C11orf16: variants seen among roughly 807,000 people sequenced by gnomAD.
The protein encoded by C11orf16 is uncharacterized protein C11orf16.
A neutral mutation model predicts 45.1 loss-of-function variants in C11orf16; 38 were observed. The ratio of observed to expected loss-of-function variants is 0.84; its 90% confidence interval spans 0.65 to 1.10. The LOEUF is 1.10. C11orf16 is among the 50% of genes least tolerant of loss of function. The pLI is 0.00. For missense variants in C11orf16, 583 were observed against 569.5 expected (o/e 1.02, Z -0.24); for synonymous variants, 221 against 222.0 (o/e 1.00, Z 0.04).
rs769112368 is a variant in C11orf16, at chr11:8,929,342, A to G, written c.324+35T>C. ...CAGGTATGACAAGGCCACCCAGAGG[A>G]GCACGCCAGGGAGATACTGGGGTCA... On this transcript the variant is annotated intron_variant, in intron 3 of 6. Transcript: ENST00000326053. 5.0e-6 allele frequency: 8 copies of G among 1,599,356 alleles called. No homozygotes were observed. The Admixed American group carries it at 6.8e-5, about 14-fold the overall frequency.
chr11:8,922,785 A>G (rs2064584019), intron 5 of C11orf16, among the ~76,000 whole-genome samples: 1 of 152,246 alleles, frequency 6.6e-6, no homozygotes, highest in Non-Finnish European at 1.5e-5. Context: ...TAAAAGATAC[A>G]AAACCTGGAG....
chr11:8,920,306 C>G lies in C11orf16; in HGVS notation c.*167G>C, dbSNP rs1246365980. The G allele has an allele frequency of 2.0e-6, 1 of 509,390 alleles. No individual in the cohort carries two copies. The highest frequency in any genetic ancestry group is 3.4e-5 in the East Asian group (1 of 29,718). The allele number at this position is 509,390 out of a possible 1,614,324, so 31.6% of individuals were successfully genotyped here. A position where few individuals can be genotyped will look rare whatever the true frequency, so the allele number is the denominator to read the frequency against. ...CAACAGGTGCCTTCCTGCTGCTTAT[C>G]TGCAGGGAGGTCTTCGTGGGGTGGA... On this transcript the variant is annotated 3_prime_UTR_variant, in exon 7 of 7. Transcript: ENST00000326053.
In C11orf16 at chr11:8,925,563, A is replaced by G; in HGVS notation, c.1104T>C (p.Asp368=). The change falls in exon 5 of 7, where the codon GAT becomes GAC. Residue 368 remains aspartate, a synonymous_variant. Coordinates refer to ENST00000326053, the MANE Select transcript of C11orf16 (RefSeq NM_020643.3). The part of the protein sequence containing the change: ...RLMVNSAVNT[D]PIFLEMPLRQ... ...TCAGAGGCATCTCAAGAAAGATGGG[A>G]TCTGTGTTGACTGCACTGTTCACCA... 6.8e-6 allele frequency: 11 copies of G among 1,614,196 alleles called. No homozygotes were observed. The highest frequency in any genetic ancestry group is 9.3e-6 in the Non-Finnish European group (11 of 1,180,018).
At chr11:8,921,750 G>A (rs745998052) in intron 5 of C11orf16, among the ~76,000 whole-genome samples, 7 of 151,992 alleles carry the variant, frequency 4.6e-5, no homozygotes, top group African/African-American at 1.2e-4. Flanking sequence ...CCTGCCACCC[G>A]CTCTTCACTA....
intron 3 of C11orf16, 82 bp downstream of exon 3, chr11:8,929,295 G>T: frequency 7.0e-7 from 1 of 1,426,926 alleles, no homozygotes; most frequent in East Asian, 2.3e-5. Context: ...CAGCCTGCTA[G>T]ATGTACACAG....
chr11:8,932,055 C>A lies in C11orf16; in HGVS notation c.167+87G>T. The A allele has an allele frequency of 2.2e-6, 3 of 1,361,392 alleles. No homozygotes were observed. In the Middle Eastern group the frequency reaches 8.0e-4, roughly 365 times the overall value. 84.3% of individuals were successfully genotyped at this position (1,361,392 alleles called of 1,614,324 possible). On this transcript the variant is annotated intron_variant, in intron 2 of 6. Transcript: ENST00000326053. ...CTTTCCACCTTCTCAGGAAGCAAGT[C>A]TGTCCACCAAGGTCTACCACCAACA...
At chr11:8,930,932 A>T (rs1025206362) in intron 2 of C11orf16, among the ~76,000 whole-genome samples, 3 of 152,140 alleles carry the variant, frequency 2.0e-5, no homozygotes, top group Admixed American at 6.5e-5. Flanking sequence ...CACCGGGTGG[A>T]TCACGAAAGG....
chr11:8,927,598 C>T (rs1257536639), intron 3 of C11orf16: 1 of 457,588 alleles, frequency 2.2e-6, no homozygotes, highest in East Asian at 6.9e-5. Context: ...AGGGATGTGT[C>T]CAAGACCAAC....
At chr11:8,926,817 A>G (rs1197562368) in intron 4 of C11orf16, 123 bp downstream of exon 4, 32 of 689,260 alleles carry the variant, frequency 4.6e-5, no homozygotes, top group South Asian at 3.4e-4. Context: ...AGCAAGGGGG[A>G]AAAATTCTCT....
chr11:8,927,782 T>C (rs2064624833), intron 3 of C11orf16: 1 of 349,360 alleles, frequency 2.9e-6, no homozygotes, highest in African/African-American at 2.1e-5. Context: ...TCAAGTACTC[T>C]GTGATTTAGA....
chr11:8,925,068 T>C (rs921270943), intron 5 of C11orf16, among the ~76,000 whole-genome samples: 1 of 152,126 alleles, frequency 6.6e-6, no homozygotes, highest in Admixed American at 6.5e-5. Context: ...TATGCTTCAG[T>C]GCATCAACTC....
intron 2 of C11orf16, among the ~76,000 whole-genome samples, chr11:8,930,631 G>A (rs959548778): frequency 6.6e-6 from 1 of 152,142 alleles, no homozygotes; most frequent in African/African-American, 2.4e-5. Context: ...ACAGAAAAAG[G>A]AGATGCTAGT....
At chr11:8,921,938 G>A (rs2064577993) in intron 5 of C11orf16, among the ~76,000 whole-genome samples, 2 of 152,134 alleles carry the variant, frequency 1.3e-5, no homozygotes, top group African/African-American at 4.8e-5. Context: ...ACTACACCTG[G>A]CCTGTTTTCT....
intron 4 of C11orf16, among the ~76,000 whole-genome samples, chr11:8,926,592 A>G (rs915400895): frequency 6.6e-6 from 1 of 152,164 alleles, no homozygotes; most frequent in African/African-American, 2.4e-5. Flanking sequence ...TCTCTGAATT[A>G]CAATGGTGCT....
rs552765748 is a variant in C11orf16, at chr11:8,921,407, A to G, written c.1313T>C (p.Met438Thr). The change falls in exon 6 of 7, where the codon ATG (methionine) becomes ACG (threonine). Residue 438 changes from methionine (M) to threonine (T), a missense_variant. Physicochemically the swap from Met to Thr is moderately conservative, Grantham distance 81. Coordinates refer to ENST00000326053, the MANE Select transcript of C11orf16 (RefSeq NM_020643.3). ...TKELVSKATH[M>T]KPPRTPPGEA... ...CCCTGGCGGGGTCCGCGGTGGCTTC[A>G]TGTGGGTTGCTTTCGAGACCAGCTC... 5.6e-6 allele frequency: 9 copies of G among 1,614,162 alleles called. No homozygotes were observed. The East Asian group carries it at 1.8e-4, about 32-fold the overall frequency.
At position 8,932,124 on chromosome 11, in the gene C11orf16, A is replaced by T; in HGVS notation, c.167+18T>A. 6.4e-7 allele frequency: 1 copy of T among 1,554,514 alleles called. No individual in the cohort carries two copies. Among genetic ancestry groups the T allele is most frequent in the South Asian group, 1.2e-5 (1 of 83,982 alleles). On this transcript the variant is annotated intron_variant, in intron 2 of 6. Transcript: ENST00000326053. ...AGAAAAGGGCATCCACTTCCCCCAG[A>T]GGGGCAGAGACAGGTACCTTGCAAG...
At chr11:8,920,754 G>T (rs1404123178) in intron 6 of C11orf16, among the ~76,000 whole-genome samples, 1 of 152,190 alleles carries the variant, frequency 6.6e-6, no homozygotes, top group Non-Finnish European at 1.5e-5. Context: ...CTTGAGCCCA[G>T]GAGTTCAAGG....
intron 6 of C11orf16, 95 bp downstream of exon 6, chr11:8,921,199 T>C: frequency 1.1e-6 from 1 of 924,928 alleles, no homozygotes. Context: ...CAAGGGGTCA[T>C]AGGTTTTACT....
chr11:8,924,227 G>C lies in C11orf16; in HGVS notation c.1204+1236C>G, dbSNP rs964220224. ...AATAAAATCCTTACCCTTGGGGCAA[G>C]ATTTAAATCTTCATTGGTGCCAGCT... On this transcript the variant is annotated intron_variant, in intron 5 of 6. Transcript: ENST00000326053. Among the ~76,000 whole-genome samples, 3 of 151,948 alleles carry C rather than the reference G, an allele frequency of 2.0e-5. No individual in the cohort carries two copies. In the East Asian group the frequency reaches 5.8e-4, roughly 30 times the overall value.
Sources: allele counts gnomAD v4.1 joint callset (sites outside exome capture counted in the v4.1 genomes callset), GRCh38; gene constraint gnomAD v4.1.1; transcripts MANE v1.5; gene names NCBI Gene and HGNC (gene_info 2026-07-23, HGNC 2026-07-21).